The following MIER2 variants were observed in gnomAD, a reference collection of about 807,000 sequenced individuals.
The protein encoded by MIER2 is MIER family member 2, also known as mesoderm induction early response protein 2.
Under a neutral mutation model 67.6 loss-of-function variants are expected in MIER2, and 30 were observed. The ratio of observed to expected loss-of-function variants is 0.44; its 90% CI spans 0.33 to 0.60. MIER2 has a LOEUF of 0.60. Ranked by LOEUF, MIER2 falls within the 20% of genes least tolerant of loss-of-function variation. The probability of loss-of-function intolerance (pLI) is 0.02; values close to 1 mark genes in which losing one functional copy is unlikely to be tolerated. For synonymous variants in MIER2, 372 were observed against 312.6 expected (o/e 1.19, Z -2.00); for missense variants, 702 against 745.1 (o/e 0.94, Z 0.67).
At chr19:336,312 G>C in intron 1 of MIER2, 139 bp from the exon 2 acceptor site, 1 of 662,792 alleles carries the variant, frequency 1.5e-6, no homozygotes, top group Non-Finnish European at 2.6e-6. Context: ...CCGCCTCTGA[G>C]GGCTGGGGGG....
At chr19:311,969 T>C (rs201783072) in intron 9 of MIER2, 30 bp from the exon 10 acceptor site, 622 of 1,602,818 alleles carry the variant, frequency 3.9e-4, no homozygotes, top group Non-Finnish European at 4.8e-4. Flanking sequence ...GAACGGTCAG[T>C]GGTGCCCAGG....
At chr19:307,023 T>G in intron 13 of MIER2, 96 bp downstream of exon 13, 4 of 1,407,502 alleles carry the variant, frequency 2.8e-6, no homozygotes, top group Non-Finnish European at 3.8e-6. Context: ...CTCGGGTCCT[T>G]GGGGCAAATG....
intron 1 of MIER2, 137 bp downstream of exon 1, chr19:344,637 G>C (rs1306417288): frequency 1.2e-5 from 6 of 491,572 alleles, no homozygotes; most frequent in Non-Finnish European, 1.4e-5. Context: ...CCCCGGACGG[G>C]CCAGGCGCCC....
chr19:323,003 A>G (rs1439996523), intron 7 of MIER2, among the ~76,000 whole-genome samples: 2 of 151,724 alleles, frequency 1.3e-5, no homozygotes, highest in Non-Finnish European at 2.9e-5. Context: ...ATCCAAACCA[A>G]GGACCACAAC....
intron 6 of MIER2, 58 bp from the exon 7 acceptor site, chr19:325,762 G>A (rs1187526895): frequency 2.5e-5 from 40 of 1,588,326 alleles, no homozygotes; most frequent in Non-Finnish European, 3.4e-5. Flanking sequence ...CGGGCGGGAG[G>A]CTGGCTGCAG....
chr19:343,807 T>C (rs1017373076), intron 1 of MIER2: 3 of 982,418 alleles, frequency 3.1e-6, no homozygotes, highest in Non-Finnish European at 3.6e-6. Flanking sequence ...CACCTTCACC[T>C]ACATTATCTC....
intron 7 of MIER2, among the ~76,000 whole-genome samples, chr19:319,264 C>T (rs536223023): frequency 5.4e-4 from 81 of 150,846 alleles, no homozygotes; most frequent in African/African-American, 1.6e-3. Flanking sequence ...CAGGAGGCTG[C>T]GGCAGGAGAA....
chr19:320,132 TG>T (rs977537551), intron 7 of MIER2, among the ~76,000 whole-genome samples: 7 of 151,878 alleles, frequency 4.6e-5, no homozygotes, highest in African/African-American at 9.7e-5. Flanking sequence ...CCCGGCACTC[TG>T]GGGGGCTGAG....
intron 7 of MIER2, among the ~76,000 whole-genome samples, chr19:313,919 G>T (rs932459337): frequency 1.3e-5 from 2 of 152,154 alleles, no homozygotes; most frequent in Non-Finnish European, 2.9e-5. Context: ...GTCAGCAGGG[G>T]CGCCTGATCC....
chr19:325,583 C>A, intron 7 of MIER2, 52 bp downstream of exon 7: 1 of 1,601,088 alleles, frequency 6.2e-7, no homozygotes, highest in Non-Finnish European at 8.6e-7. Context: ...TCCAGCCAGG[C>A]CACTCCCCTT....
intron 7 of MIER2, among the ~76,000 whole-genome samples, chr19:325,412 G>T (rs1463952367): frequency 6.6e-6 from 1 of 152,166 alleles, no homozygotes; most frequent in Non-Finnish European, 1.5e-5. Flanking sequence ...TGCACAGGCT[G>T]ACCAGAGCAG....
chr19:306,784 A>G, intron 13 of MIER2, 73 bp from the exon 14 acceptor site: 1 of 1,547,088 alleles, frequency 6.5e-7, no homozygotes, highest in Non-Finnish European at 8.7e-7. Context: ...CCCAGTGCTG[A>G]GCGCTGGACT....
At chr19:339,210 A>T (rs1972392711) in intron 1 of MIER2, among the ~76,000 whole-genome samples, 1 of 152,206 alleles carries the variant, frequency 6.6e-6, no homozygotes, top group South Asian at 2.1e-4. Context: ...AAAATAATCT[A>T]TCTGATAAGG....
chr19:337,999 CT>C (rs778606369), intron 1 of MIER2, among the ~76,000 whole-genome samples: 64 of 151,546 alleles, frequency 4.2e-4, no homozygotes, highest in Non-Finnish European at 7.8e-4. Context: ...AGGTGAAACC[CT>C]GTCTCTACTA....
chr19:321,827 A>T (rs2145434424), intron 7 of MIER2, among the ~76,000 whole-genome samples: 1 of 152,250 alleles, frequency 6.6e-6, no homozygotes, highest in Non-Finnish European at 1.5e-5. Flanking sequence ...CCTTACAGGC[A>T]CCTGATTTAC....
chr19:322,685 C>T (rs1197467281), intron 7 of MIER2, among the ~76,000 whole-genome samples: 2 of 152,166 alleles, frequency 1.3e-5, no homozygotes, highest in East Asian at 1.9e-4. Flanking sequence ...TGGCAAACAC[C>T]GAGAATGTGG....
intron 1 of MIER2, among the ~76,000 whole-genome samples, chr19:337,670 T>C (rs1039296429): frequency 1.1e-4 from 16 of 151,726 alleles, no homozygotes; most frequent in Non-Finnish European, 2.2e-4. Context: ...AGTTCAAGAC[T>C]AGCCTGGCCA....
intron 1 of MIER2, among the ~76,000 whole-genome samples, chr19:341,441 G>A (rs929811695): frequency 9.9e-5 from 15 of 152,170 alleles, no homozygotes; most frequent in Non-Finnish European, 1.9e-4. Flanking sequence ...AGAGGGAAGC[G>A]GCTGGGAACG....
chr19:314,568 C>A (rs553569110), intron 7 of MIER2, among the ~76,000 whole-genome samples: 1 of 152,120 alleles, frequency 6.6e-6, no homozygotes, highest in Non-Finnish European at 1.5e-5. Context: ...CGGGGGCTGA[C>A]GCGGTAACTA....
Sources: allele counts gnomAD v4.1 joint callset (sites outside exome capture counted in the v4.1 genomes callset), GRCh38; gene constraint gnomAD v4.1.1; transcripts MANE v1.5; gene names NCBI Gene and HGNC (gene_info 2026-07-23, HGNC 2026-07-21).